PCDH11X: variants seen among roughly 807,000 people sequenced by gnomAD.
PCDH11X encodes protocadherin-11 X-linked.
Under a neutral mutation model 53.3 loss-of-function variants are expected in PCDH11X, and 18 were observed. The ratio of observed to expected loss-of-function variants is 0.34; its 90% CI spans 0.23 to 0.50. PCDH11X has a LOEUF of 0.50. Among genes scored for constraint, PCDH11X ranks in the 20% least tolerant of loss-of-function variants. The pLI is 0.98. For synonymous variants in PCDH11X, 279 were observed against 393.3 expected, an observed-to-expected ratio of 0.71 and a Z score of 3.44; for missense variants, 570 against 1,032.4, an observed-to-expected ratio of 0.55 and a Z score of 6.14.
In PCDH11X at chrX:92,614,704, T is replaced by C. The variant is rs755538823; in HGVS notation, c.3368-3560T>C. On this transcript the variant is annotated intron_variant, in intron 10 of 10. Transcript: ENST00000682573. The stretch of plus-strand genomic sequence containing the variant: ...GATGTCAGGCACAAACACCAGCACT[T>C]AGCAAGGATCCAGTGGACAGCCACT... Among the ~76,000 whole-genome samples, 8 of 108,337 alleles carry C rather than the reference T, an allele frequency of 7.4e-5. No homozygotes were observed. The Admixed American group carries it at 7.9e-4, about 11-fold the overall frequency. 94.1% of individuals were successfully genotyped at this position (108,337 alleles called of 115,157 possible).
intron 4 of PCDH11X, among the ~76,000 whole-genome samples, chrX:91,832,303 C>G (rs1240054849): frequency 9.1e-6 from 1 of 110,066 alleles, no homozygotes; most frequent in Non-Finnish European, 1.9e-5. Flanking sequence ...CCATGGAATA[C>G]TATGCAGCCA....
chrX:92,579,869 C>G (rs934840767), intron 10 of PCDH11X, among the ~76,000 whole-genome samples: 16 of 111,560 alleles, frequency 1.4e-4, no homozygotes, highest in African/African-American at 4.9e-4. Flanking sequence ...TTTCTCATCT[C>G]CATGAGCTTA....
chrX:91,891,168 A>G (rs1018567079), intron 6 of PCDH11X, among the ~76,000 whole-genome samples: 2 of 109,328 alleles, frequency 1.8e-5, no homozygotes, highest in African/African-American at 6.6e-5. Context: ...TTGTATGAAT[A>G]TGTTAGAATG....
At chrX:91,781,447 G>A (rs2524790) in intron 1 of PCDH11X, among the ~76,000 whole-genome samples, 1 of 112,554 alleles carries the variant, frequency 8.9e-6, no homozygotes, top group Non-Finnish European at 1.9e-5. Flanking sequence ...AGAACATAGA[G>A]GTGCTTTGTG....
intron 6 of PCDH11X, among the ~76,000 whole-genome samples, chrX:92,146,059 C>T (rs1259332917): frequency 9.2e-6 from 1 of 108,696 alleles, no homozygotes; most frequent in African/African-American, 3.3e-5. Context: ...TTTCTTTCAT[C>T]AAAATCATAA....
chrX:92,553,111 C>T (rs2750510), intron 10 of PCDH11X, among the ~76,000 whole-genome samples: 1 of 107,178 alleles, frequency 9.3e-6, no homozygotes, highest in Non-Finnish European at 1.9e-5. Context: ...GTATTCCATC[C>T]ACCTCTATTT....
chrX:92,195,481 C>T (rs2066277827), intron 6 of PCDH11X, among the ~76,000 whole-genome samples: 1 of 111,216 alleles, frequency 9.0e-6, no homozygotes. Context: ...TCTCTTGGGT[C>T]TAACTACATC....
intron 9 of PCDH11X, among the ~76,000 whole-genome samples, chrX:92,412,433 A>G (rs1240512720): frequency 1.0e-5 from 1 of 100,446 alleles, no homozygotes; most frequent in African/African-American, 3.8e-5. Context: ...GAGGTGCTAC[A>G]CTGTCACAGG....
At chrX:91,800,728 G>A (rs1320699474) in intron 1 of PCDH11X, among the ~76,000 whole-genome samples, 3 of 110,549 alleles carry the variant, frequency 2.7e-5, no homozygotes, top group Admixed American at 9.7e-5. Context: ...CATTGACTTT[G>A]GAAAAAAGGC....
chrX:92,170,864 TC>T (rs2065813451), intron 6 of PCDH11X, among the ~76,000 whole-genome samples: 1 of 92,858 alleles, frequency 1.1e-5, no homozygotes, highest in Non-Finnish European at 2.2e-5. Context: ...CAATCTCGGC[TC>T]ATTGCAACCT....
chrX:91,875,277 A>ATTTTTTTTTTTT (rs1179910381), intron 5 of PCDH11X, among the ~76,000 whole-genome samples: 1 of 63,759 alleles, frequency 1.6e-5, no homozygotes. Flanking sequence ...CAGGGAGGGG[A>ATTTTTTTTTTTT]TTTTTTTTTT....
intron 6 of PCDH11X, among the ~76,000 whole-genome samples, chrX:92,073,780 A>G (rs1331450190): frequency 8.9e-6 from 1 of 111,799 alleles, no homozygotes; most frequent in Non-Finnish European, 1.9e-5. Context: ...GGATATTTCA[A>G]CAAAGATGGG....
chrX:92,472,116 A>C (rs769911136), intron 10 of PCDH11X, among the ~76,000 whole-genome samples: 1 of 110,123 alleles, frequency 9.1e-6, no homozygotes, highest in Non-Finnish European at 1.9e-5. Flanking sequence ...CTTAGATCTC[A>C]TTCGTCAGTT....
At chrX:92,497,584 G>A (rs892794760) in intron 10 of PCDH11X, among the ~76,000 whole-genome samples, 1 of 110,774 alleles carries the variant, frequency 9.0e-6, no homozygotes, top group Non-Finnish European at 1.9e-5. Flanking sequence ...ATAAATGTAA[G>A]TGACTATTTT....
intron 6 of PCDH11X, among the ~76,000 whole-genome samples, chrX:92,011,291 T>A (rs1602672577): frequency 8.9e-6 from 1 of 112,022 alleles, no homozygotes; most frequent in Non-Finnish European, 1.9e-5. Flanking sequence ...GCTCTTTGAG[T>A]AATTTCCATT....
At chrX:92,462,483 A>T (rs1451815093) in intron 9 of PCDH11X, among the ~76,000 whole-genome samples, 1 of 111,457 alleles carries the variant, frequency 9.0e-6, no homozygotes, top group Non-Finnish European at 1.9e-5. Flanking sequence ...ATTAAAAGGT[A>T]TGAAATGTTT....
intron 10 of PCDH11X, among the ~76,000 whole-genome samples, chrX:92,583,842 G>A (rs1233738071): frequency 1.1e-5 from 1 of 87,353 alleles, no homozygotes; most frequent in African/African-American, 4.4e-5. Context: ...TGAGTCTTGG[G>A]TATGTCTTTA....
chrX:92,514,463 C>T (rs2074219592), intron 10 of PCDH11X, among the ~76,000 whole-genome samples: 1 of 109,983 alleles, frequency 9.1e-6, no homozygotes, highest in Non-Finnish European at 1.9e-5. Context: ...CACTGGGTGG[C>T]TCACGCCAGT....
chrX:92,532,340 A>G lies in PCDH11X; in HGVS notation c.3367+64018A>G, dbSNP rs747504213. On this transcript the variant is annotated intron_variant, in intron 10 of 10. Transcript: ENST00000682573. Reference sequence around the variant, plus strand: ...GGTTCTAAGGTTCCTTCATTTCTTAAAGAAAATTTTCTTTATTAAATACAA... The same window carrying G: ...GGTTCTAAGGTTCCTTCATTTCTTAGAGAAAATTTTCTTTATTAAATACAA... Among the ~76,000 whole-genome samples, 36 of 111,278 alleles carry G rather than the reference A, an allele frequency of 3.2e-4. No homozygotes were observed. In the East Asian group the frequency reaches 9.9e-3, roughly 31 times the overall value.
Sources: allele counts gnomAD v4.1 joint callset (sites outside exome capture counted in the v4.1 genomes callset), GRCh38; gene constraint gnomAD v4.1.1; transcripts MANE v1.5; gene names NCBI Gene and HGNC (gene_info 2026-07-23, HGNC 2026-07-21).